The following FTO variants were observed in gnomAD, a reference collection of about 807,000 sequenced individuals.
FTO encodes FTO alpha-ketoglutarate dependent dioxygenase.
FTO carries 47 observed loss-of-function variants against 63.9 expected under a neutral mutation model. That is an observed-to-expected ratio of 0.74 (90% confidence interval 0.58 to 0.94). The LOEUF (loss-of-function observed/expected upper bound fraction) is 0.94. FTO is among the 40% of genes least tolerant of loss of function. The pLI, the probability that FTO is intolerant of heterozygous loss-of-function variation, is 0.00. For missense variants in FTO, 562 were observed against 618.1 expected, an observed-to-expected ratio of 0.91 and a Z score of 0.96; for synonymous variants, 207 against 224.4, an observed-to-expected ratio of 0.92 and a Z score of 0.69.
intron 8 of FTO, among the ~76,000 whole-genome samples, chr16:54,053,950 G>A (rs951560569): frequency 4.0e-5 from 6 of 151,842 alleles, no homozygotes; most frequent in Non-Finnish European, 7.4e-5. Flanking sequence ...ACAAAGCCAC[G>A]TGCTCCTAGG....
intron 3 of FTO, among the ~76,000 whole-genome samples, chr16:53,840,073 GA>G (rs1221214279): frequency 6.6e-6 from 1 of 152,024 alleles, no homozygotes; most frequent in Non-Finnish European, 1.5e-5. Flanking sequence ...AATGTGCTGG[GA>G]TTACAGGTGT....
intron 7 of FTO, chr16:53,911,414 T>C (rs1366935034): frequency 1.4e-6 from 1 of 703,078 alleles, no homozygotes; most frequent in African/African-American, 1.7e-5. Flanking sequence ...TGTAATAGTG[T>C]CGAACCCTGC....
intron 1 of FTO, among the ~76,000 whole-genome samples, chr16:53,794,840 A>G (rs7190492): frequency 0.68 from 102,956 of 151,982 alleles, 35,456 homozygotes; most frequent in African/African-American, 0.79. Context: ...AAAGGGGAGT[A>G]AGAGAAGCAA....
intron 8 of FTO, among the ~76,000 whole-genome samples, chr16:54,099,343 G>A (rs1269112113): frequency 2.6e-5 from 4 of 152,088 alleles, no homozygotes; most frequent in African/African-American, 4.8e-5. Flanking sequence ...CTATTCCCTT[G>A]CAAGGAAAGT....
chr16:53,948,304 G>A (rs1567464351), intron 8 of FTO, among the ~76,000 whole-genome samples: 1 of 152,206 alleles, frequency 6.6e-6, no homozygotes, highest in Non-Finnish European at 1.5e-5. Flanking sequence ...GATGATGGGG[G>A]CATGAGAGTT....
In FTO at chr16:54,118,187, G is replaced by A. The variant is rs2086984692; in HGVS notation, c.*6272G>A. 6.6e-6 allele frequency: 1 copy of A among 152,126 alleles called. No individual in the cohort carries two copies. Among genetic ancestry groups the A allele is most frequent in the Non-Finnish European group, 1.5e-5 (1 of 68,032 alleles). The allele number at this position is 152,126 out of a possible 1,614,324, so 9.4% of individuals were successfully genotyped here. On this transcript the variant is annotated 3_prime_UTR_variant, in exon 9 of 9. Transcript: ENST00000471389. ...TGCGGTAGTTTCCTGCTGAGAGATGGGAAGTGCTGGCCTAGGACAGCAAGG... is the reference window on the plus strand; with the variant it reads ...TGCGGTAGTTTCCTGCTGAGAGATGAGAAGTGCTGGCCTAGGACAGCAAGG...
intron 8 of FTO, among the ~76,000 whole-genome samples, chr16:54,004,018 T>G (rs1252405042): frequency 6.6e-6 from 1 of 152,194 alleles, no homozygotes; most frequent in Non-Finnish European, 1.5e-5. Context: ...TACCTTATAT[T>G]TGTATGACAC....
At chr16:53,707,576 A>G (rs1014687554) in intron 1 of FTO, among the ~76,000 whole-genome samples, 4 of 152,192 alleles carry the variant, frequency 2.6e-5, no homozygotes, top group African/African-American at 9.7e-5. Context: ...GTAAAATGAG[A>G]GTTCTACTTG....
At chr16:53,949,104 C>T (rs990620246) in intron 8 of FTO, among the ~76,000 whole-genome samples, 10 of 152,102 alleles carry the variant, frequency 6.6e-5, no homozygotes, top group African/African-American at 2.4e-4. Flanking sequence ...AAAATGTTGG[C>T]AGTTTTGAAT....
Position 53,832,765 on chromosome 16 carries a change from A to G in FTO, c.751+6274A>G, listed in dbSNP as rs538884703. On this transcript the variant is annotated intron_variant, in intron 3 of 8. Coordinates refer to ENST00000471389, the MANE Select transcript of FTO (RefSeq NM_001080432.3). ...ATACATAAAATTAATCATTATAACC[A>G]TATTAACTGTACAGTTGAGTGGCAT... 1.1e-4 allele frequency among the ~76,000 whole-genome samples: 16 copies of G among 152,310 alleles called. No homozygotes were observed. In the East Asian group the frequency reaches 1.2e-3, roughly 11 times the overall value.
intron 4 of FTO, among the ~76,000 whole-genome samples, chr16:53,847,271 C>T (rs949945313): frequency 2.6e-5 from 4 of 152,198 alleles, no homozygotes; most frequent in African/African-American, 7.2e-5. Context: ...CTCCTTCTCC[C>T]GTAGGGATGC....
intron 8 of FTO, among the ~76,000 whole-genome samples, chr16:54,087,428 A>G (rs1267725382): frequency 6.6e-6 from 1 of 152,170 alleles, no homozygotes; most frequent in Non-Finnish European, 1.5e-5. Flanking sequence ...TAGACAATCA[A>G]AAGAACTCCC....
intron 4 of FTO, among the ~76,000 whole-genome samples, chr16:53,853,674 T>TAGTA (rs2079884132): frequency 6.6e-6 from 1 of 152,192 alleles, no homozygotes; most frequent in African/African-American, 2.4e-5. Context: ...AATGACTGAG[T>TAGTA]AGTATTTCAT....
chr16:53,955,657 G>C (rs2082912201), intron 8 of FTO, among the ~76,000 whole-genome samples: 1 of 152,320 alleles, frequency 6.6e-6, no homozygotes, highest in South Asian at 2.1e-4. Flanking sequence ...TGCTGTGTTA[G>C]GTGCTGTGGA....
chr16:54,090,994 A>G (rs558853018), intron 8 of FTO, among the ~76,000 whole-genome samples: 1 of 152,280 alleles, frequency 6.6e-6, no homozygotes, highest in South Asian at 2.1e-4. Context: ...ACCTAAGAAT[A>G]CAAAAGCAGA....
intron 4 of FTO, among the ~76,000 whole-genome samples, chr16:53,849,650 C>A (rs1384018167): frequency 6.6e-6 from 1 of 152,172 alleles, no homozygotes; most frequent in Non-Finnish European, 1.5e-5. Context: ...AGTTCACCTT[C>A]CTTGAAATAC....
chr16:53,853,348 T>A (rs979434673), intron 4 of FTO, among the ~76,000 whole-genome samples: 1 of 152,170 alleles, frequency 6.6e-6, no homozygotes, highest in African/African-American at 2.4e-5. Context: ...CTTAGGGATA[T>A]AAGCAGTTTT....
At chr16:54,105,920 T>C (rs796659046) in intron 8 of FTO, among the ~76,000 whole-genome samples, 6 of 152,206 alleles carry the variant, frequency 3.9e-5, no homozygotes, top group African/African-American at 1.4e-4. Context: ...CCTTTATTTG[T>C]TGCAAAATTT....
At chr16:53,866,745 T>C (rs78364586) in intron 4 of FTO, among the ~76,000 whole-genome samples, 2,282 of 152,216 alleles carry the variant, frequency 0.015, 43 homozygotes, top group African/African-American at 0.045. Context: ...ATTAGTAATA[T>C]GTTTCTTGTC....
Sources: allele counts gnomAD v4.1 joint callset (sites outside exome capture counted in the v4.1 genomes callset), GRCh38; gene constraint gnomAD v4.1.1; transcripts MANE v1.5; gene names NCBI Gene and HGNC (gene_info 2026-07-23, HGNC 2026-07-21).